SMG6: variants seen among roughly 807,000 people sequenced by gnomAD.
SMG6 encodes SMG6 nonsense mediated mRNA decay factor.
In SMG6, 66 loss-of-function variants were observed where a neutral mutation model predicts 142.2. That is an observed-to-expected ratio of 0.46 (90% CI 0.38 to 0.57). The LOEUF is 0.57. Among genes scored for constraint, SMG6 ranks in the 20% least tolerant of loss-of-function variants. The pLI, the probability that SMG6 is intolerant of heterozygous loss-of-function variation, is 0.00. For synonymous variants in SMG6, 779 were observed against 702.4 expected (o/e 1.11, Z -1.72); for missense variants, 1,793 against 1,832.0 (o/e 0.98, Z 0.39).
chr17:2,248,988 G>A (rs897480392), intron 8 of SMG6, among the ~76,000 whole-genome samples: 13 of 151,704 alleles, frequency 8.6e-5, no homozygotes, highest in East Asian at 2.0e-4. Context: ...CCGGGTTCAC[G>A]CCATTCTCCT....
Position 2,161,419 on chromosome 17 carries a change from T to A in SMG6, c.3357+11239A>T, listed in dbSNP as rs574473922. On this transcript the variant is annotated intron_variant, in intron 13 of 18. Transcript: ENST00000263073. The stretch of plus-strand genomic sequence containing the variant: ...CAATCCCGGCCTTTATTTATTTATT[T>A]TTTTTTTTGAGACAGAGTCTCACAC... Among the ~76,000 whole-genome samples the A allele has an allele frequency of 8.1e-4, 123 of 151,806 alleles. 2 individuals are homozygous for A. The South Asian group carries it at 0.019, about 23-fold the overall frequency.
intron 13 of SMG6, among the ~76,000 whole-genome samples, chr17:2,125,269 C>T (rs1471084967): frequency 1.3e-5 from 2 of 152,132 alleles, no homozygotes; most frequent in African/African-American, 2.4e-5. Flanking sequence ...GGGACCGAAA[C>T]CCCCTATTTA....
intron 13 of SMG6, among the ~76,000 whole-genome samples, chr17:2,164,612 C>T (rs550905061): frequency 2.0e-5 from 3 of 151,740 alleles, no homozygotes; most frequent in South Asian, 2.1e-4. Flanking sequence ...TGAGACTCCC[C>T]GTCTCAAAGA....
intron 13 of SMG6, chr17:2,087,423 C>CA: frequency 8.4e-7 from 1 of 1,185,748 alleles, no homozygotes; most frequent in Non-Finnish European, 1.1e-6. Context: ...AAGCCAACCC[C>CA]GCTTTCCTAC....
chr17:2,188,406 G>A lies in SMG6; in HGVS notation c.2979C>T (p.Ser993=), dbSNP rs752846147. ...VRRCTCLLKE[S]AKAQLSSPED... is the part of the protein sequence containing the mutation. ...GGGACTCCTCCTGCTTACCTTTGGC[G>A]GACTCCTTAAGTAAGCAGGTGCAGC... Residue 993 remains serine, a synonymous_variant, in exon 11 of 19, where the codon TCC becomes TCT. Coordinates refer to ENST00000263073, the MANE Select transcript of SMG6 (RefSeq NM_017575.5). The A allele has an allele frequency of 1.2e-5, 19 of 1,613,786 alleles. No homozygotes were observed. The highest frequency in any genetic ancestry group is 5.0e-5 in the Admixed American group (3 of 59,978).
At chr17:2,096,147 T>C (rs368344087) in intron 13 of SMG6, among the ~76,000 whole-genome samples, 3 of 152,204 alleles carry the variant, frequency 2.0e-5, no homozygotes, top group Admixed American at 6.5e-5. Flanking sequence ...GCTCAAGCAA[T>C]CCTCCCACCT....
Position 2,297,887 on chromosome 17 carries a change from G to A in SMG6, c.2016C>T (p.Asn672=). The stretch of plus-strand genomic sequence containing the variant: ...CCTCATCCAAGAGCTCCAAAAGTCT[G>A]TTCCGAATCTGTTCTGGGTTCTCAA... ...PNVENPEQIR[N]RLLELLDEGS... The change falls in exon 3 of 19, where the codon AAC becomes AAT. Residue 672 remains asparagine, a synonymous_variant. Transcript: ENST00000263073. The A allele has an allele frequency of 1.2e-6, 2 of 1,611,744 alleles. No individual in the cohort carries two copies. Among genetic ancestry groups the A allele is most frequent in the South Asian group, 1.1e-5 (1 of 91,048 alleles).
At chr17:2,173,663 CG>C (rs1202234904) in intron 12 of SMG6, among the ~76,000 whole-genome samples, 3 of 152,246 alleles carry the variant, frequency 2.0e-5, no homozygotes, top group Non-Finnish European at 2.9e-5. Flanking sequence ...GTCCTAATTG[CG>C]TATCACCAGG....
intron 10 of SMG6, among the ~76,000 whole-genome samples, chr17:2,206,215 T>A (rs1196123245): frequency 1.3e-5 from 2 of 152,236 alleles, no homozygotes; most frequent in East Asian, 3.9e-4. Flanking sequence ...TACATATATA[T>A]ATAAAATTCT....
At position 2,087,483 on chromosome 17, in the gene SMG6, T is replaced by C. The variant is rs544729182; in HGVS notation, c.3358-1582A>G. On this transcript the variant is annotated intron_variant, in intron 13 of 18. Transcript: ENST00000263073. Reference sequence around the variant, plus strand: ...TCTCTCACCATTGGCCCTGTTACCATTATAGGCTGGAATCTCAAGCTAAGT... The same window carrying C: ...TCTCTCACCATTGGCCCTGTTACCACTATAGGCTGGAATCTCAAGCTAAGT... 26 of 1,060,706 alleles carry C rather than the reference T, an allele frequency of 2.5e-5. No individual in the cohort carries two copies. In the East Asian group the frequency reaches 1.5e-3, roughly 62 times the overall value. 65.7% of individuals were successfully genotyped at this position (1,060,706 alleles called of 1,614,324 possible).
chr17:2,166,302 C>A (rs1337755295), intron 13 of SMG6, among the ~76,000 whole-genome samples: 1 of 151,964 alleles, frequency 6.6e-6, no homozygotes, highest in Admixed American at 6.6e-5. Flanking sequence ...ATGTAAGTGA[C>A]CAGCATCAAA....
chr17:2,275,530 G>A (rs566448274), intron 8 of SMG6, among the ~76,000 whole-genome samples: 3 of 152,286 alleles, frequency 2.0e-5, no homozygotes, highest in Admixed American at 2.0e-4. Flanking sequence ...TTCTATTCAA[G>A]ATGCTGATAA....
At position 2,061,466 on chromosome 17, in the gene SMG6, G is replaced by A. The variant is rs766483955; in HGVS notation, c.*26C>T. The A allele has an allele frequency of 2.4e-6, 3 of 1,236,440 alleles. No individual in the cohort carries two copies. The highest frequency in any genetic ancestry group is 2.6e-5 in the Admixed American group (1 of 38,324). The allele number at this position is 1,236,440 out of a possible 1,614,324, so 76.6% of individuals were successfully genotyped here. ...GGTGGCCTTTCAGGAACGGTTCCACGGGGGGGGGGCCCCAGTGTGGCTCCC... is the reference window on the plus strand; with the variant it reads ...GGTGGCCTTTCAGGAACGGTTCCACAGGGGGGGGGCCCCAGTGTGGCTCCC... On this transcript the variant is annotated 3_prime_UTR_variant, in exon 19 of 19. Coordinates refer to ENST00000263073, the MANE Select transcript of SMG6 (RefSeq NM_017575.5).
rs1258525588 is a variant in SMG6 at position 2,188,485 on chromosome 17, A to T, written c.2900T>A (p.Ile967Asn). 1.2e-6 allele frequency: 2 copies of T among 1,614,168 alleles called. No individual in the cohort carries two copies. Among genetic ancestry groups the T allele is most frequent in the South Asian group, 2.2e-5 (2 of 91,082 alleles). ...DCFSEECRSV[I>N]QEQAAALGLA... is the part of the protein sequence containing the mutation. The stretch of plus-strand genomic sequence containing the variant: ...GCCCAGAGCTGCGGCTTGTTCCTGG[A>T]TCACAGAGCGGCACTCCTCCGAGAA... Residue 967 changes from isoleucine to asparagine, a missense_variant, in exon 11 of 19, where the codon ATC becomes AAC. By Grantham distance (149) the Ile-to-Asn change is moderately radical. This residue lies in a region of SMG6 where 1,597 missense variants were observed against 1,584.6 expected (regional missense o/e 1.01). Transcript: ENST00000263073.
chr17:2,148,983 CTA>C lies in SMG6; in HGVS notation c.3357+23673_3357+23674del. Reference sequence around the variant, plus strand: ...TTGAGTTGGTGAAGATGAAAAAGCTCTAGAGATGGTTGTGGTGATGGCTACAC... The same window carrying C: ...TTGAGTTGGTGAAGATGAAAAAGCTCGAGATGGTTGTGGTGATGGCTACAC... On this transcript the variant is annotated intron_variant, in intron 13 of 18. Coordinates refer to ENST00000263073, the MANE Select transcript of SMG6 (RefSeq NM_017575.5). 1.3e-5 allele frequency among the ~76,000 whole-genome samples: 2 copies of C among 152,086 alleles called. 1 individual carries two copies. The highest frequency in any genetic ancestry group is 3.9e-4 in the East Asian group (2 of 5,178).
At chr17:2,132,649 T>G (rs1051243008) in intron 13 of SMG6, among the ~76,000 whole-genome samples, 2 of 152,252 alleles carry the variant, frequency 1.3e-5, no homozygotes, top group Admixed American at 6.5e-5. Flanking sequence ...AATTTTCTCA[T>G]GCAAGTTCCT....
At position 2,292,858 on chromosome 17, in the gene SMG6, G is replaced by A. The variant is rs1567755600; in HGVS notation, c.2258+13C>T. The A allele has an allele frequency of 1.9e-6, 3 of 1,605,114 alleles. No homozygotes were observed. Among genetic ancestry groups the A allele is most frequent in the Admixed American group, 1.7e-5 (1 of 59,978 alleles). On this transcript the variant is annotated intron_variant, in intron 5 of 18. Transcript: ENST00000263073. The stretch of plus-strand genomic sequence containing the variant: ...CATAGGGAAGAGAAATAACGAAGCA[G>A]AGGTAAAAGTACCTGCGTGCTTTCC...
intron 13 of SMG6, among the ~76,000 whole-genome samples, chr17:2,141,253 G>A (rs921392649): frequency 2.6e-5 from 4 of 152,104 alleles, no homozygotes; most frequent in East Asian, 3.9e-4. Context: ...ATAATATTTC[G>A]CAGCACTGGC....
chr17:2,230,605 A>G (rs1015506688), intron 10 of SMG6, among the ~76,000 whole-genome samples: 1 of 152,136 alleles, frequency 6.6e-6, no homozygotes, highest in Admixed American at 6.5e-5. Context: ...GGACCCTGGA[A>G]CCCAGAAGTG....
Sources: gnomAD v4.1 joint callset for allele counts (sites outside exome capture counted in the v4.1 genomes callset) on GRCh38, gnomAD v4.1.1 for gene constraint, gnomAD v4.1.1 regional missense constraint, MANE v1.5 for transcripts, NCBI Gene and HGNC (gene_info 2026-07-23, HGNC 2026-07-21) for gene names.